The following STK38 variants were observed in gnomAD, a reference collection of about 807,000 sequenced individuals.
STK38 encodes serine/threonine kinase 38.
A neutral mutation model predicts 59.0 loss-of-function variants in STK38; 26 were observed. That is an observed-to-expected ratio of 0.44 (90% confidence interval 0.32 to 0.61). STK38 has a LOEUF of 0.61. STK38 is among the 20% of genes least tolerant of loss of function. The pLI, the probability that STK38 is intolerant of heterozygous loss-of-function variation, is 0.04. For missense variants in STK38, 433 were observed against 566.0 expected, an observed-to-expected ratio of 0.76 and a Z score of 2.38; for synonymous variants, 175 against 176.6, an observed-to-expected ratio of 0.99 and a Z score of 0.07.
At chr6:36,510,714 G>T (rs1777088729) in intron 7 of STK38, among the ~76,000 whole-genome samples, 1 of 152,218 alleles carries the variant, frequency 6.6e-6, no homozygotes, top group Admixed American at 6.5e-5. Context: ...CAGGCACCTT[G>T]ATCAATGCTT....
intron 4 of STK38, among the ~76,000 whole-genome samples, chr6:36,523,919 A>C (rs1777446109): frequency 6.6e-6 from 1 of 152,160 alleles, no homozygotes; most frequent in Non-Finnish European, 1.5e-5. Flanking sequence ...AAGCTCTTTG[A>C]GTTCAGGAAG....
intron 7 of STK38, among the ~76,000 whole-genome samples, chr6:36,509,390 T>A (rs1204681661): frequency 6.6e-6 from 1 of 151,698 alleles, no homozygotes; most frequent in East Asian, 1.9e-4. Flanking sequence ...GTGAGAAAAA[T>A]TGTAGAAAGA....
intron 4 of STK38, among the ~76,000 whole-genome samples, chr6:36,523,882 G>C (rs140730660): frequency 6.6e-6 from 1 of 152,156 alleles, no homozygotes; most frequent in Non-Finnish European, 1.5e-5. Flanking sequence ...TTTCCTTCTC[G>C]AGAGGCAGTG....
At chr6:36,509,943 G>C (rs564046807) in intron 7 of STK38, among the ~76,000 whole-genome samples, 5 of 152,308 alleles carry the variant, frequency 3.3e-5, no homozygotes, top group Admixed American at 3.3e-4. Flanking sequence ...GTTTGTATGG[G>C]TTTCAAAAGA....
At chr6:36,539,416 T>A (rs1777878155) in intron 2 of STK38, among the ~76,000 whole-genome samples, 1 of 151,666 alleles carries the variant, frequency 6.6e-6, no homozygotes, top group African/African-American at 2.4e-5. Context: ...AAATAAATTA[T>A]GAGTTACTAA....
rs1203789657 is a variant in STK38, at chr6:36,494,078, CAA to C, written c.*1704_*1705del. The C allele has an allele frequency of 1.3e-5, 2 of 152,348 alleles. No homozygotes were observed. Among genetic ancestry groups the C allele is most frequent in the Non-Finnish European group, 2.9e-5 (2 of 68,032 alleles). The allele number at this position is 152,348 out of a possible 1,614,324, so 9.4% of individuals were successfully genotyped here. A position where few individuals can be genotyped will look rare whatever the true frequency, so the allele number is the denominator to read the frequency against. On this transcript the variant is annotated 3_prime_UTR_variant, in exon 14 of 14. Coordinates refer to ENST00000229812, the MANE Select transcript of STK38 (RefSeq NM_007271.4). Reference sequence around the variant, plus strand: ...TCAACACCCCAACTATTTGGTAATACAAAGAGACTACAAAGTCACACAAAAGA... The same window carrying C: ...TCAACACCCCAACTATTTGGTAATACAGAGACTACAAAGTCACACAAAAGA...
At chr6:36,538,368 C>T (rs1342252606) in intron 2 of STK38, among the ~76,000 whole-genome samples, 2 of 151,852 alleles carry the variant, frequency 1.3e-5, no homozygotes, top group African/African-American at 4.8e-5. Context: ...GGTTGAAGAA[C>T]CAAGAGGCAT....
chr6:36,504,155 A>G (rs1776905788), intron 9 of STK38, among the ~76,000 whole-genome samples: 1 of 152,204 alleles, frequency 6.6e-6, no homozygotes, highest in South Asian at 2.1e-4. Context: ...TGTAAATTCA[A>G]CCCTAAAAAA....
In STK38 at chr6:36,526,932, G is replaced by A. The variant is rs1039772127; in HGVS notation, c.132-1290C>T. On this transcript the variant is annotated intron_variant, in intron 2 of 13. Transcript: ENST00000229812. ...AAAAAGGCCGGGCGTGGTGGCTCAC[G>A]CCTGTAATCCCAGCACTTTGGGAGG... is the stretch of plus-strand genomic sequence containing the variant. Among the ~76,000 whole-genome samples, 8 of 150,962 alleles carry A rather than the reference G, an allele frequency of 5.3e-5. No homozygotes were observed. In the South Asian group the frequency reaches 6.3e-4, roughly 12 times the overall value.
chr6:36,543,614 A>G (rs629560), intron 1 of STK38, among the ~76,000 whole-genome samples: 67,296 of 151,748 alleles, frequency 0.44, 16,914 homozygotes, highest in African/African-American at 0.67. Context: ...CCACAGCTGC[A>G]GCAAAAAAGA....
At chr6:36,527,978 C>T (rs559088176) in intron 2 of STK38, among the ~76,000 whole-genome samples, 1 of 151,300 alleles carries the variant, frequency 6.6e-6, no homozygotes, top group South Asian at 2.1e-4. Flanking sequence ...GTGTAGTGGC[C>T]GGCGCCTGTA....
chr6:36,545,704 T>C (rs1482555916), intron 1 of STK38, among the ~76,000 whole-genome samples: 3 of 152,212 alleles, frequency 2.0e-5, no homozygotes, highest in Non-Finnish European at 2.9e-5. Flanking sequence ...CTTTCCACAA[T>C]TCAAGCCTTC....
chr6:36,509,763 G>A (rs369268489), intron 7 of STK38, among the ~76,000 whole-genome samples: 8 of 152,206 alleles, frequency 5.3e-5, no homozygotes, highest in South Asian at 2.1e-4. Flanking sequence ...CCCCTAGCCC[G>A]CTCTTTCACT....
chr6:36,523,918 G>C (rs1777446046), intron 4 of STK38, among the ~76,000 whole-genome samples: 2 of 152,156 alleles, frequency 1.3e-5, no homozygotes, highest in African/African-American at 4.8e-5. Context: ...CAAGCTCTTT[G>C]AGTTCAGGAA....
intron 4 of STK38, chr6:36,522,234 G>A (rs1777393424): frequency 6.4e-6 from 1 of 157,096 alleles, no homozygotes; most frequent in African/African-American, 2.4e-5. Flanking sequence ...CTATTTGGGA[G>A]GTTGAGGTAG....
intron 9 of STK38, 146 bp downstream of exon 9, chr6:36,506,437 C>T: frequency 1.3e-6 from 1 of 795,980 alleles, no homozygotes; most frequent in Non-Finnish European, 2.0e-6. Flanking sequence ...TTCGGTCCTA[C>T]CAACCTAACA....
intron 1 of STK38, among the ~76,000 whole-genome samples, chr6:36,543,825 G>T (rs888261787): frequency 1.3e-5 from 2 of 151,946 alleles, no homozygotes; most frequent in Non-Finnish European, 2.9e-5. Context: ...GTAGAGACGG[G>T]GTTTCACTAT....
At chr6:36,498,792 T>C (rs546995276) in intron 10 of STK38, among the ~76,000 whole-genome samples, 2 of 152,006 alleles carry the variant, frequency 1.3e-5, no homozygotes, top group African/African-American at 4.8e-5. Flanking sequence ...AGTCTTGCTA[T>C]GTTGATCAGG....
intron 5 of STK38, among the ~76,000 whole-genome samples, chr6:36,521,198 A>G (rs1356057888): frequency 6.6e-6 from 1 of 152,166 alleles, no homozygotes; most frequent in Non-Finnish European, 1.5e-5. Flanking sequence ...TTGTTCTGTC[A>G]TTTGCATTGT....
Sources: gnomAD v4.1 joint callset for allele counts (sites outside exome capture counted in the v4.1 genomes callset) on GRCh38, gnomAD v4.1.1 for gene constraint, MANE v1.5 for transcripts, NCBI Gene and HGNC (gene_info 2026-07-23, HGNC 2026-07-21) for gene names.